FAF1: variants seen among roughly 807,000 people sequenced by gnomAD.
FAF1 encodes Fas associated factor 1, also known as FAS-associated factor 1.
FAF1 carries 25 observed loss-of-function variants against 92.5 expected under a neutral mutation model. The observed-to-expected ratio is 0.27, with a 90% CI of 0.20 to 0.38. The LOEUF is 0.38. Among genes scored for constraint, FAF1 ranks in the 10% least tolerant of loss-of-function variants. The pLI, the probability that FAF1 is intolerant of heterozygous loss-of-function variation, is 1.00. For synonymous variants in FAF1, 234 were observed against 273.2 expected, an observed-to-expected ratio of 0.86 and a Z score of 1.42; for missense variants, 636 against 793.3, an observed-to-expected ratio of 0.80 and a Z score of 2.38.
At chr1:50,563,748 A>C (rs35655272) in intron 13 of FAF1, among the ~76,000 whole-genome samples, 1 of 152,248 alleles carries the variant, frequency 6.6e-6, no homozygotes, top group African/African-American at 2.4e-5. Context: ...AGGGGAGATG[A>C]CAGACATTAA....
At chr1:50,670,330 T>A (rs1244947981) in intron 7 of FAF1, among the ~76,000 whole-genome samples, 1 of 151,916 alleles carries the variant, frequency 6.6e-6, no homozygotes, top group Admixed American at 6.6e-5. Context: ...TCAAACAATC[T>A]GCCTACCTGC....
chr1:50,728,066 T>C (rs748625758), intron 6 of FAF1, among the ~76,000 whole-genome samples: 1 of 152,178 alleles, frequency 6.6e-6, no homozygotes. Flanking sequence ...CTTGCGTATA[T>C]ACATATATCC....
chr1:50,910,243 A>C (rs948687063), intron 1 of FAF1, among the ~76,000 whole-genome samples: 1 of 152,170 alleles, frequency 6.6e-6, no homozygotes, highest in Non-Finnish European at 1.5e-5. Context: ...TTCCTCTGGA[A>C]GCTTTGTCTC....
rs183416312 is a variant in FAF1 at position 50,530,777 on chromosome 1, A to C, written c.1494+4592T>G. On this transcript the variant is annotated intron_variant, in intron 15 of 18. Transcript: ENST00000396153. ...AAACATATACACCTACTGTGTACCC[A>C]AAAAATGAAACAAACAACCAACAAG... Among the ~76,000 whole-genome samples, 5 of 152,306 alleles carry C rather than the reference A, an allele frequency of 3.3e-5. No individual in the cohort carries two copies. The East Asian group carries it at 7.7e-4, about 24-fold the overall frequency.
intron 1 of FAF1, among the ~76,000 whole-genome samples, chr1:50,891,446 T>C (rs1644719013): frequency 6.6e-6 from 1 of 152,210 alleles, no homozygotes; most frequent in Non-Finnish European, 1.5e-5. Context: ...TTCTGATTTT[T>C]AGAATTTTCA....
At chr1:50,441,760 C>T (rs1646169184) in intron 18 of FAF1, among the ~76,000 whole-genome samples, 1 of 152,088 alleles carries the variant, frequency 6.6e-6, no homozygotes, top group African/African-American at 2.4e-5. Flanking sequence ...GGTGGAGGTA[C>T]CTTTCTTGCA....
intron 1 of FAF1, among the ~76,000 whole-genome samples, chr1:50,938,521 T>C (rs1166565642): frequency 6.6e-6 from 1 of 152,228 alleles, no homozygotes. Flanking sequence ...TCCCATTCTG[T>C]AGGTTGTCTG....
intron 15 of FAF1, 110 bp downstream of exon 15, chr1:50,535,259 C>A: frequency 1.4e-6 from 1 of 710,458 alleles, no homozygotes; most frequent in East Asian, 2.6e-5. Flanking sequence ...GGAAATGCAT[C>A]TTCATCATCC....
At position 50,572,816 on chromosome 1, in the gene FAF1, A is replaced by G. The variant is rs564169109; in HGVS notation, c.1114-5585T>C. Among the ~76,000 whole-genome samples the G allele has an allele frequency of 4.6e-5, 7 of 152,326 alleles. No homozygotes were observed. The South Asian group carries it at 8.3e-4, about 18-fold the overall frequency. On this transcript the variant is annotated intron_variant, in intron 12 of 18. Coordinates refer to ENST00000396153, the MANE Select transcript of FAF1 (RefSeq NM_007051.3). ...AGTAATAGAGGAAGTCCTGGGTTCT[A>G]GGCATGAACATCAGATTGGCTGCTT...
At chr1:50,601,703 A>G (rs1236334759) in intron 8 of FAF1, among the ~76,000 whole-genome samples, 1 of 149,590 alleles carries the variant, frequency 6.7e-6, no homozygotes, top group Non-Finnish European at 1.5e-5. Context: ...ATATATATAT[A>G]TATACACACA....
intron 6 of FAF1, among the ~76,000 whole-genome samples, chr1:50,708,931 T>C (rs1657802266): frequency 1.3e-5 from 2 of 152,188 alleles, no homozygotes; most frequent in South Asian, 4.1e-4. Context: ...GTGACTGCAG[T>C]GAAGGCTGCG....
intron 17 of FAF1, among the ~76,000 whole-genome samples, chr1:50,483,315 A>AT (rs1325952785): frequency 1.3e-5 from 2 of 151,984 alleles, no homozygotes; most frequent in Non-Finnish European, 2.9e-5. Context: ...TTGACCATAT[A>AT]TGTGTGGGTC....
chr1:50,527,755 T>C (rs1647889592), intron 15 of FAF1, among the ~76,000 whole-genome samples: 1 of 151,946 alleles, frequency 6.6e-6, no homozygotes, highest in Admixed American at 6.6e-5. Context: ...TACCATTGTA[T>C]ATGCCATCCA....
chr1:50,481,669 G>A (rs1462074229), intron 17 of FAF1, among the ~76,000 whole-genome samples: 17 of 152,196 alleles, frequency 1.1e-4, no homozygotes, highest in African/African-American at 3.9e-4. Flanking sequence ...AAAGTGGTGA[G>A]TGCTATGGAG....
intron 1 of FAF1, among the ~76,000 whole-genome samples, chr1:50,889,527 C>G (rs542468475): frequency 1.4e-4 from 22 of 152,346 alleles, no homozygotes; most frequent in African/African-American, 5.1e-4. Flanking sequence ...CCTCTACACA[C>G]TGCTTTAAAT....
rs977654097 is a variant in FAF1, at chr1:50,921,156, G to A, written c.45+38611C>T. ...ACCATATGAGGTACACACTGTCCAGGGGCCTTAGGTTGGCCCACCCTGCCC... is the reference window on the plus strand; with the variant it reads ...ACCATATGAGGTACACACTGTCCAGAGGCCTTAGGTTGGCCCACCCTGCCC... On this transcript the variant is annotated intron_variant, in intron 1 of 18. Transcript: ENST00000396153. 7.9e-5 allele frequency among the ~76,000 whole-genome samples: 12 copies of A among 152,134 alleles called. No homozygotes were observed. In the South Asian group the frequency reaches 1.0e-3, roughly 13 times the overall value.
intron 12 of FAF1, among the ~76,000 whole-genome samples, chr1:50,573,109 C>CTT (rs111946633): frequency 1.4e-4 from 20 of 143,188 alleles, no homozygotes; most frequent in African/African-American, 3.0e-4. Context: ...TTTTTCTTTT[C>CTT]TTTTTTTTTT....
At position 50,605,626 on chromosome 1, in the gene FAF1, A is replaced by G. The variant is rs528762761; in HGVS notation, c.745-9410T>C. Among the ~76,000 whole-genome samples, 36 of 151,984 alleles carry G rather than the reference A, an allele frequency of 2.4e-4. No homozygotes were observed. The South Asian group carries it at 7.1e-3, about 30-fold the overall frequency. Reference sequence around the variant, plus strand: ...TGTGAATTAAAATAGCCCTTCTTTCACAGTTCCTATCACTACAGCTTTATG... The same window carrying G: ...TGTGAATTAAAATAGCCCTTCTTTCGCAGTTCCTATCACTACAGCTTTATG... On this transcript the variant is annotated intron_variant, in intron 8 of 18. Coordinates refer to ENST00000396153, the MANE Select transcript of FAF1 (RefSeq NM_007051.3).
intron 1 of FAF1, among the ~76,000 whole-genome samples, chr1:50,933,912 T>G (rs1300108278): frequency 6.6e-6 from 1 of 152,196 alleles, no homozygotes; most frequent in South Asian, 2.1e-4. Context: ...GTGAGACTTA[T>G]TCACTATCAC....
Sources: allele counts gnomAD v4.1 joint callset (sites outside exome capture counted in the v4.1 genomes callset), GRCh38; gene constraint gnomAD v4.1.1; transcripts MANE v1.5; gene names NCBI Gene and HGNC (gene_info 2026-07-23, HGNC 2026-07-21).